MYRIP: variants seen among roughly 807,000 people sequenced by gnomAD.
MYRIP encodes the protein rab effector MyRIP.
Under a neutral mutation model 98.0 loss-of-function variants are expected in MYRIP, and 49 were observed. The observed-to-expected ratio is 0.50, with a 90% confidence interval of 0.40 to 0.63. The LOEUF is 0.63. MYRIP is among the 30% of genes least tolerant of loss of function. The probability of loss-of-function intolerance (pLI) is 0.00; values close to 1 mark genes in which losing one functional copy is unlikely to be tolerated. For missense variants in MYRIP, 1,004 were observed against 1,058.2 expected (o/e 0.95, Z 0.71); for synonymous variants, 404 against 409.5 (o/e 0.99, Z 0.16).
At chr3:40,205,303 T>C (rs1439531707) in intron 10 of MYRIP, among the ~76,000 whole-genome samples, 1 of 152,152 alleles carries the variant, frequency 6.6e-6, no homozygotes, top group Non-Finnish European at 1.5e-5. Flanking sequence ...TTTTGAGCCT[T>C]TTGTTACCCT....
At chr3:39,898,544 C>G (rs1018404672) in intron 1 of MYRIP, among the ~76,000 whole-genome samples, 7 of 152,074 alleles carry the variant, frequency 4.6e-5, no homozygotes, top group Middle Eastern at 6.8e-3. Context: ...ATTTTAAAAC[C>G]TGAGGTTTTA....
chr3:39,886,515 C>CA (rs1170324442), intron 1 of MYRIP, among the ~76,000 whole-genome samples: 1 of 149,334 alleles, frequency 6.7e-6, no homozygotes, highest in Non-Finnish European at 1.5e-5. Context: ...AAATGGAAAA[C>CA]AAAAAAAGGC....
chr3:40,030,009 A>G (rs1427153655), intron 2 of MYRIP, among the ~76,000 whole-genome samples: 1 of 152,014 alleles, frequency 6.6e-6, no homozygotes, highest in Non-Finnish European at 1.5e-5. Flanking sequence ...GCAGTGAGCT[A>G]TGATGCCACC....
intron 1 of MYRIP, among the ~76,000 whole-genome samples, chr3:39,836,844 C>A (rs1000038786): frequency 2.0e-5 from 3 of 152,188 alleles, no homozygotes; most frequent in African/African-American, 7.2e-5. Flanking sequence ...GATTAAAGCT[C>A]AGGTACCGGT....
chr3:39,865,869 G>A (rs1942605081), intron 1 of MYRIP, among the ~76,000 whole-genome samples: 1 of 152,108 alleles, frequency 6.6e-6, no homozygotes, highest in Non-Finnish European at 1.5e-5. Flanking sequence ...ACACGTACAG[G>A]CATATGTTCA....
chr3:40,233,771 G>T (rs939400274), intron 11 of MYRIP, 88 bp from the exon 12 acceptor site: 3 of 1,218,166 alleles, frequency 2.5e-6, no homozygotes, highest in Admixed American at 2.2e-5. Context: ...ACCTCATGAT[G>T]ATGAGTGTCA....
At chr3:39,889,279 C>G (rs1249055880) in intron 1 of MYRIP, among the ~76,000 whole-genome samples, 2 of 151,566 alleles carry the variant, frequency 1.3e-5, no homozygotes, top group Non-Finnish European at 2.9e-5. Flanking sequence ...GGAACCAACC[C>G]AAATGTCCAA....
chr3:40,079,398 C>T (rs1406417681), intron 3 of MYRIP, among the ~76,000 whole-genome samples: 2 of 152,142 alleles, frequency 1.3e-5, no homozygotes, highest in South Asian at 2.1e-4. Flanking sequence ...ACAGTTGTTA[C>T]GCTGAATTAG....
chr3:40,036,701 T>G (rs1947394021), intron 2 of MYRIP, among the ~76,000 whole-genome samples: 1 of 152,108 alleles, frequency 6.6e-6, no homozygotes, highest in Non-Finnish European at 1.5e-5. Flanking sequence ...GCATTGATAC[T>G]TAGATGAAGG....
At chr3:40,200,882 C>A (rs1246041011) in intron 10 of MYRIP, among the ~76,000 whole-genome samples, 1 of 152,150 alleles carries the variant, frequency 6.6e-6, no homozygotes, top group Non-Finnish European at 1.5e-5. Context: ...TGAATCACCA[C>A]CAAAATCCAT....
chr3:40,061,276 T>C (rs978202503), intron 3 of MYRIP, among the ~76,000 whole-genome samples: 3 of 152,178 alleles, frequency 2.0e-5, no homozygotes, highest in East Asian at 1.9e-4. Flanking sequence ...GTTTTTCCCT[T>C]CCTCGTGTTC....
At chr3:40,160,594 T>C (rs1468202785) in intron 4 of MYRIP, among the ~76,000 whole-genome samples, 1 of 152,182 alleles carries the variant, frequency 6.6e-6, no homozygotes, top group East Asian at 1.9e-4. Flanking sequence ...TCCCCCAGCC[T>C]CGCTGCCACC....
rs1953714905 is a variant in MYRIP, at chr3:40,259,984, A to C, written c.*1818A>C. 1 of 113,702 alleles carries C rather than the reference A, an allele frequency of 8.8e-6. No homozygotes were observed. The highest frequency in any genetic ancestry group is 7.8e-5 in the Admixed American group (1 of 12,816). The allele number at this position is 113,702 out of a possible 1,614,324, so 7.0% of individuals were successfully genotyped here. ...TGCAAACAAAAAACAACAAAAAAGA[A>C]GCAGCAGCAGCAGCCTGCTGTGTGG... On this transcript the variant is annotated 3_prime_UTR_variant, in exon 17 of 17. Transcript: ENST00000302541.
intron 1 of MYRIP, among the ~76,000 whole-genome samples, chr3:39,819,031 C>A (rs560031522): frequency 6.6e-6 from 1 of 152,096 alleles, no homozygotes; most frequent in South Asian, 2.1e-4. Context: ...AGTGATTGTA[C>A]ATAAATATAT....
intron 9 of MYRIP, among the ~76,000 whole-genome samples, 175 bp from the exon 10 acceptor site, chr3:40,189,651 C>T (rs1232756787): frequency 6.6e-6 from 1 of 152,180 alleles, no homozygotes. Flanking sequence ...CAAGAGATTC[C>T]TTGGGGAACT....
intron 3 of MYRIP, among the ~76,000 whole-genome samples, chr3:40,132,527 G>GT (rs984191149): frequency 5.5e-4 from 84 of 152,346 alleles, no homozygotes; most frequent in African/African-American, 1.9e-3. Flanking sequence ...GAGCAAAAGT[G>GT]TAAGGCCAAA....
At chr3:40,203,613 GA>G (rs1186641065) in intron 10 of MYRIP, among the ~76,000 whole-genome samples, 1 of 144,046 alleles carries the variant, frequency 6.9e-6, no homozygotes, top group African/African-American at 2.6e-5. Flanking sequence ...TTAAAGATAT[GA>G]CTTTCTGTTT....
At chr3:39,826,186 A>T in intron 1 of MYRIP, among the ~76,000 whole-genome samples, 1 of 147,668 alleles carries the variant, frequency 6.8e-6, no homozygotes, top group African/African-American at 2.5e-5. Context: ...GCTCTTTATT[A>T]TTTTTTCTTT....
At chr3:40,029,542 AAAG>A (rs1269651989) in intron 2 of MYRIP, among the ~76,000 whole-genome samples, 1 of 152,228 alleles carries the variant, frequency 6.6e-6, no homozygotes, top group African/African-American at 2.4e-5. Flanking sequence ...TTAAGTAAAA[AAAG>A]AAGTTGTAAA....
Sources: allele counts gnomAD v4.1 joint callset (sites outside exome capture counted in the v4.1 genomes callset), GRCh38; gene constraint gnomAD v4.1.1; transcripts MANE v1.5; gene names NCBI Gene and HGNC (gene_info 2026-07-23, HGNC 2026-07-21).